Variants in SAMD12 observed in about 807,000 individuals in gnomAD.
SAMD12 encodes the protein sterile alpha motif domain-containing protein 12.
In SAMD12, 9 loss-of-function variants were observed where a neutral mutation model predicts 15.0. The observed-to-expected ratio is 0.60, with a 90% CI of 0.36 to 1.05. The LOEUF is 1.05. Ranked by LOEUF, SAMD12 falls within the 50% of genes least tolerant of loss-of-function variation. The pLI is 0.01. For synonymous variants in SAMD12, 86 were observed against 90.1 expected, an observed-to-expected ratio of 0.96 and a Z score of 0.25; for missense variants, 230 against 234.2, an observed-to-expected ratio of 0.98 and a Z score of 0.12.
intron 2 of SAMD12, among the ~76,000 whole-genome samples, chr8:118,541,591 A>G (rs1440861325): frequency 6.6e-6 from 1 of 152,230 alleles, no homozygotes; most frequent in Non-Finnish European, 1.5e-5. Flanking sequence ...ATAAAACTTT[A>G]TTTATAAAAT....
intron 2 of SAMD12, among the ~76,000 whole-genome samples, chr8:118,445,987 G>A (rs1822899532): frequency 1.3e-5 from 2 of 152,210 alleles, no homozygotes; most frequent in Middle Eastern, 3.4e-3. Context: ...CAACGAAAAC[G>A]GAATGGATTA....
chr8:118,563,258 A>G (rs1384517623), intron 2 of SAMD12, among the ~76,000 whole-genome samples: 1 of 152,230 alleles, frequency 6.6e-6, no homozygotes, highest in African/African-American at 2.4e-5. Flanking sequence ...CATATGTTAC[A>G]TTGCTGTTAT....
At chr8:118,548,230 T>A (rs542056726) in intron 2 of SAMD12, among the ~76,000 whole-genome samples, 1 of 152,134 alleles carries the variant, frequency 6.6e-6, no homozygotes, top group Non-Finnish European at 1.5e-5. Context: ...ATAGCAAATA[T>A]GTTCACGATA....
chr8:118,327,242 T>C (rs1816610094), intron 4 of SAMD12, among the ~76,000 whole-genome samples: 1 of 152,224 alleles, frequency 6.6e-6, no homozygotes, highest in Admixed American at 6.5e-5. Context: ...ATCCAAATAA[T>C]TGAAAGTCCT....
intron 1 of SAMD12, among the ~76,000 whole-genome samples, chr8:118,609,726 C>T (rs570743447): frequency 6.6e-6 from 1 of 152,304 alleles, no homozygotes; most frequent in Admixed American, 6.5e-5. Context: ...TTTTCAATCT[C>T]TCCAGACTGT....
At chr8:118,462,925 AC>A (rs1251369780) in intron 2 of SAMD12, among the ~76,000 whole-genome samples, 1 of 151,652 alleles carries the variant, frequency 6.6e-6, no homozygotes, top group Non-Finnish European at 1.5e-5. Flanking sequence ...ACACGGTGAA[AC>A]CCCGTCTCTA....
chr8:118,543,627 C>CTTT (rs1554582437), intron 2 of SAMD12, among the ~76,000 whole-genome samples: 2 of 116,916 alleles, frequency 1.7e-5, no homozygotes, highest in African/African-American at 9.3e-5. Flanking sequence ...TTCTTTCTTT[C>CTTT]TTTCTTTTTT....
At chr8:118,399,024 C>G (rs1486189247) in intron 3 of SAMD12, among the ~76,000 whole-genome samples, 1 of 152,050 alleles carries the variant, frequency 6.6e-6, no homozygotes, top group African/African-American at 2.4e-5. Flanking sequence ...GCTGAGAATA[C>G]AGGCACAGGC....
At chr8:118,203,868 AAT>A (rs1415702653) in intron 4 of SAMD12, among the ~76,000 whole-genome samples, 1 of 151,570 alleles carries the variant, frequency 6.6e-6, no homozygotes, top group African/African-American at 2.4e-5. Flanking sequence ...TGCTGAGAAT[AAT>A]AGTTTCCAGC....
intron 2 of SAMD12, among the ~76,000 whole-genome samples, chr8:118,467,794 T>C (rs1403446090): frequency 6.6e-6 from 1 of 152,192 alleles, no homozygotes; most frequent in Non-Finnish European, 1.5e-5. Context: ...AGTATGTTGA[T>C]GACAGGGCCA....
chr8:118,273,876 T>C lies in SAMD12; in HGVS notation c.434-76144A>G, dbSNP rs556054286. Among the ~76,000 whole-genome samples the C allele has an allele frequency of 4.4e-4, 67 of 152,250 alleles. 1 individual carries two copies. Among genetic ancestry groups the C allele is most frequent in the African/African-American group, 1.5e-3 (61 of 41,536 alleles). On this transcript the variant is annotated intron_variant, in intron 4 of 4. Coordinates refer to the SAMD12 transcript ENST00000409003. ...GGTAGGAACAGTTGTCTCCAGGAGA[T>C]CAAGATAAAAGTAAAACAAGCAAGG...
At chr8:118,279,931 A>G (rs1004131687) in intron 4 of SAMD12, among the ~76,000 whole-genome samples, 13 of 152,216 alleles carry the variant, frequency 8.5e-5, no homozygotes. Flanking sequence ...ACAAAAACAC[A>G]GGACGCACAT....
chr8:118,465,750 G>A (rs922094006), intron 2 of SAMD12, among the ~76,000 whole-genome samples: 1 of 152,094 alleles, frequency 6.6e-6, no homozygotes, highest in African/African-American at 2.4e-5. Flanking sequence ...ATTCTTGACT[G>A]CCTTAGTATT....
At chr8:118,458,093 T>C (rs1169878907) in intron 2 of SAMD12, among the ~76,000 whole-genome samples, 6 of 152,020 alleles carry the variant, frequency 3.9e-5, no homozygotes, top group African/African-American at 1.2e-4. Flanking sequence ...TCACCCAGAG[T>C]GCATGTGAAT....
At chr8:118,175,893 T>C in the SAMD12 span, among the ~76,000 whole-genome samples, 23 of 152,354 alleles carry the variant, frequency 1.5e-4, no homozygotes, top group Admixed American at 4.6e-4. Flanking sequence ...TTGATGGGAA[T>C]GTAAATTAGT....
At chr8:118,165,635 T>TAC in the SAMD12 span, among the ~76,000 whole-genome samples, 67 of 129,430 alleles carry the variant, frequency 5.2e-4, no homozygotes, top group East Asian at 8.1e-3. Flanking sequence ...TATATATATA[T>TAC]ACATATATAT....
chr8:118,264,324 A>T (rs934660842), intron 4 of SAMD12, among the ~76,000 whole-genome samples: 3 of 152,112 alleles, frequency 2.0e-5, no homozygotes, highest in African/African-American at 7.2e-5. Context: ...CTTTTACAAA[A>T]TTTTTTGCAC....
chr8:118,398,586 ATCT>A (rs1820708715), intron 3 of SAMD12, among the ~76,000 whole-genome samples: 2 of 152,120 alleles, frequency 1.3e-5, no homozygotes, highest in East Asian at 1.9e-4. Context: ...ATCTTTCCTT[ATCT>A]TCTTATTTTG....
intron 2 of SAMD12, among the ~76,000 whole-genome samples, chr8:118,445,379 C>T (rs1487274620): frequency 6.6e-6 from 1 of 152,238 alleles, no homozygotes; most frequent in South Asian, 2.1e-4. Flanking sequence ...AAAAACATAT[C>T]TTGTCTATTG....
Sources: allele counts gnomAD v4.1 joint callset (sites outside exome capture counted in the v4.1 genomes callset), GRCh38; gene constraint gnomAD v4.1.1; transcripts MANE v1.5; gene names NCBI Gene and HGNC (gene_info 2026-07-23, HGNC 2026-07-21).